Variants in NKAIN3 observed in about 807,000 individuals in gnomAD.
The protein encoded by NKAIN3 is sodium/potassium-transporting ATPase subunit beta-1-interacting protein 3.
NKAIN3 carries 25 observed loss-of-function variants against 30.2 expected under a neutral mutation model. That is an observed-to-expected ratio of 0.83 (90% CI 0.60 to 1.16). NKAIN3 has a LOEUF of 1.16. NKAIN3 is among the 50% of genes most tolerant of loss of function. The probability of loss-of-function intolerance (pLI) is 0.00; values close to 1 mark genes in which losing one functional copy is unlikely to be tolerated. For synonymous variants in NKAIN3, 91 were observed against 89.6 expected, an observed-to-expected ratio of 1.02 and a Z score of -0.09; for missense variants, 225 against 254.1, an observed-to-expected ratio of 0.89 and a Z score of 0.78.
chr8:62,966,290 C>A lies in NKAIN3; in HGVS notation c.*883C>A, dbSNP rs980643795. ...AATGCTGTAGCATTCTCTATAAATACTTCTAAAGGAGACATTCACGTGTGA... is the reference window on the plus strand; with the variant it reads ...AATGCTGTAGCATTCTCTATAAATAATTCTAAAGGAGACATTCACGTGTGA... On this transcript the variant is annotated 3_prime_UTR_variant, in exon 7 of 7. Coordinates refer to ENST00000623646, the MANE Select transcript of NKAIN3 (RefSeq NM_001304533.3). The A allele has an allele frequency of 4.7e-5, 46 of 984,788 alleles. No individual in the cohort carries two copies. Among genetic ancestry groups the A allele is most frequent in the Non-Finnish European group, 5.4e-5 (45 of 829,518 alleles). The allele number at this position is 984,788 out of a possible 1,614,324, so 61.0% of individuals were successfully genotyped here.
rs1453893492 is a variant in NKAIN3, at chr8:62,983,186, C to T, written c.*17779C>T. 1 of 152,008 alleles carries T rather than the reference C, an allele frequency of 6.6e-6. No homozygotes were observed. Among genetic ancestry groups the T allele is most frequent in the Non-Finnish European group, 1.5e-5 (1 of 68,030 alleles). The allele number at this position is 152,008 out of a possible 1,614,324, so 9.4% of individuals were successfully genotyped here. On this transcript the variant is annotated 3_prime_UTR_variant, in exon 7 of 7. Coordinates refer to ENST00000623646, the MANE Select transcript of NKAIN3 (RefSeq NM_001304533.3). Reference sequence around the variant, plus strand: ...TTGTTGCGTCCTTCTTTGAAAACACCCCTGCTGAGTACCTACTGTATGTGA... The same window carrying T: ...TTGTTGCGTCCTTCTTTGAAAACACTCCTGCTGAGTACCTACTGTATGTGA...
At chr8:62,276,156 C>G (rs574980662) in intron 1 of NKAIN3, among the ~76,000 whole-genome samples, 3 of 152,156 alleles carry the variant, frequency 2.0e-5, no homozygotes, top group African/African-American at 4.8e-5. Flanking sequence ...ACCTCCGCCT[C>G]CTGGGCTCAC....
At chr8:62,645,087 T>G (rs1331586585) in intron 3 of NKAIN3, among the ~76,000 whole-genome samples, 1 of 152,116 alleles carries the variant, frequency 6.6e-6, no homozygotes, top group East Asian at 1.9e-4. Context: ...GGTCTCTTGA[T>G]GATCTGATTC....
chr8:62,786,517 C>G (rs1326408933), intron 4 of NKAIN3, among the ~76,000 whole-genome samples: 2 of 151,860 alleles, frequency 1.3e-5, no homozygotes, highest in Admixed American at 6.6e-5. Context: ...GTTGAATTAC[C>G]TAGCAAAGTT....
intron 4 of NKAIN3, among the ~76,000 whole-genome samples, chr8:62,913,152 A>AT (rs5891881): frequency 1.1e-4 from 17 of 151,354 alleles, no homozygotes; most frequent in Admixed American, 2.0e-4. Context: ...TGCATTGAAC[A>AT]TTTTTTTTTT....
intron 4 of NKAIN3, among the ~76,000 whole-genome samples, chr8:62,815,435 C>G (rs1479380073): frequency 6.6e-6 from 1 of 152,082 alleles, no homozygotes; most frequent in Non-Finnish European, 1.5e-5. Context: ...AATTTTAGAC[C>G]AATATCCTTG....
intron 4 of NKAIN3, among the ~76,000 whole-genome samples, chr8:62,782,027 C>T (rs967211785): frequency 6.6e-6 from 1 of 151,858 alleles, no homozygotes; most frequent in Non-Finnish European, 1.5e-5. Flanking sequence ...AAAACACTTG[C>T]AAACTACTTA....
chr8:62,467,104 C>A (rs1448811524), intron 1 of NKAIN3, among the ~76,000 whole-genome samples: 4 of 152,112 alleles, frequency 2.6e-5, no homozygotes, highest in Admixed American at 1.3e-4. Flanking sequence ...ACAGGAGCTT[C>A]ATTTTTATTT....
At chr8:62,703,952 A>G (rs1361024864) in intron 3 of NKAIN3, among the ~76,000 whole-genome samples, 1 of 151,856 alleles carries the variant, frequency 6.6e-6, no homozygotes, top group Admixed American at 6.6e-5. Flanking sequence ...CTGTTCATAT[A>G]CTCTAAAATT....
chr8:62,455,080 C>A (rs1805771393), intron 1 of NKAIN3, among the ~76,000 whole-genome samples: 1 of 152,152 alleles, frequency 6.6e-6, no homozygotes, highest in Non-Finnish European at 1.5e-5. Flanking sequence ...AAGATGAGTC[C>A]TGTGTCTTGG....
intron 1 of NKAIN3, among the ~76,000 whole-genome samples, chr8:62,477,472 G>A (rs997470450): frequency 5.3e-5 from 8 of 152,090 alleles, no homozygotes; most frequent in African/African-American, 1.7e-4. Context: ...GTGGCTCTCC[G>A]AAGGCATGTT....
At chr8:62,326,140 G>A (rs1815116889) in intron 1 of NKAIN3, among the ~76,000 whole-genome samples, 1 of 151,760 alleles carries the variant, frequency 6.6e-6, no homozygotes, top group Admixed American at 6.6e-5. Flanking sequence ...TATTGGCTTT[G>A]GAAAGAAGAA....
intron 4 of NKAIN3, among the ~76,000 whole-genome samples, chr8:62,875,816 C>G (rs906215842): frequency 6.6e-6 from 1 of 152,112 alleles, no homozygotes; most frequent in Non-Finnish European, 1.5e-5. Flanking sequence ...ACATCTTATA[C>G]AAAAATTAAC....
chr8:62,346,081 G>A (rs1329441246), intron 1 of NKAIN3, among the ~76,000 whole-genome samples: 2 of 152,072 alleles, frequency 1.3e-5, no homozygotes, highest in East Asian at 3.9e-4. Context: ...AGAGAGTGGA[G>A]AGGAAGGTGG....
chr8:62,828,289 A>C (rs568754338), intron 4 of NKAIN3, among the ~76,000 whole-genome samples: 1 of 152,276 alleles, frequency 6.6e-6, no homozygotes, highest in African/African-American at 2.4e-5. Flanking sequence ...TATCTGAGAC[A>C]GTTCTTTGAG....
At chr8:62,547,830 C>T (rs770040258) in intron 1 of NKAIN3, among the ~76,000 whole-genome samples, 13 of 152,166 alleles carry the variant, frequency 8.5e-5, no homozygotes, top group Non-Finnish European at 1.5e-4. Context: ...TGAAGGCATC[C>T]TCTAAGACAG....
At chr8:62,876,711 G>T (rs1241595787) in intron 4 of NKAIN3, among the ~76,000 whole-genome samples, 1 of 151,972 alleles carries the variant, frequency 6.6e-6, no homozygotes, top group Non-Finnish European at 1.5e-5. Flanking sequence ...ACTAACTCAG[G>T]AACAGAAAAC....
intron 3 of NKAIN3, among the ~76,000 whole-genome samples, chr8:62,593,311 T>A (rs1421225409): frequency 6.6e-6 from 1 of 151,536 alleles, no homozygotes; most frequent in Non-Finnish European, 1.5e-5. Context: ...TAGAGGAAAA[T>A]TGAAAAATAA....
intron 3 of NKAIN3, among the ~76,000 whole-genome samples, chr8:62,723,546 T>C (rs2130523942): frequency 6.6e-6 from 1 of 152,218 alleles, no homozygotes; most frequent in Middle Eastern, 3.4e-3. Flanking sequence ...AGTAATTAAC[T>C]AAGGAAACTG....
Sources: allele counts gnomAD v4.1 joint callset (sites outside exome capture counted in the v4.1 genomes callset), GRCh38; gene constraint gnomAD v4.1.1; transcripts MANE v1.5; gene names NCBI Gene and HGNC (gene_info 2026-07-23, HGNC 2026-07-21).